The following ROBO1 variants were observed in gnomAD, a reference collection of about 807,000 sequenced individuals.
The protein encoded by ROBO1 is roundabout guidance receptor 1, also known as roundabout homolog 1.
A neutral mutation model predicts 195.9 loss-of-function variants in ROBO1; 149 were observed. The observed-to-expected ratio is 0.76, with a 90% CI of 0.67 to 0.87. The LOEUF is 0.87. ROBO1 is among the 40% of genes least tolerant of loss of function. ROBO1 has a pLI of 0.00. For synonymous variants in ROBO1, 816 were observed against 733.2 expected, an observed-to-expected ratio of 1.11 and a Z score of -1.82; for missense variants, 1,933 against 2,068.3, an observed-to-expected ratio of 0.93 and a Z score of 1.27.
intron 2 of ROBO1, among the ~76,000 whole-genome samples, chr3:79,318,282 C>T (rs534746762): frequency 6.6e-6 from 1 of 152,312 alleles, no homozygotes; most frequent in East Asian, 1.9e-4. Flanking sequence ...GCAAAGTTGA[C>T]ACATAAAGTT....
intron 8 of ROBO1, among the ~76,000 whole-genome samples, chr3:78,698,047 C>G (rs2107915243): frequency 6.6e-6 from 1 of 152,138 alleles, no homozygotes; most frequent in East Asian, 1.9e-4. Context: ...GCGATTTTTT[C>G]CCCATTCTCA....
At chr3:79,468,968 GAT>G (rs749660778) in intron 2 of ROBO1, among the ~76,000 whole-genome samples, 16 of 152,114 alleles carry the variant, frequency 1.1e-4, no homozygotes, top group Non-Finnish European at 2.4e-4. Context: ...GACTAAATGA[GAT>G]TATGCATGCA....
At chr3:79,588,109 T>C (rs1234763622) in intron 2 of ROBO1, among the ~76,000 whole-genome samples, 2 of 151,738 alleles carry the variant, frequency 1.3e-5, no homozygotes, top group African/African-American at 4.8e-5. Flanking sequence ...ATAACCAAAC[T>C]ATCACCTTTG....
chr3:79,649,505 C>G (rs891770071), intron 1 of ROBO1, among the ~76,000 whole-genome samples: 3 of 151,832 alleles, frequency 2.0e-5, no homozygotes, highest in African/African-American at 7.3e-5. Flanking sequence ...ATTTCAGATG[C>G]AAACATTTAA....
chr3:78,971,333 C>G (rs553634979), intron 3 of ROBO1, among the ~76,000 whole-genome samples: 6 of 152,202 alleles, frequency 3.9e-5, no homozygotes, highest in Admixed American at 1.3e-4. Context: ...AGGTTGCAGA[C>G]AGCCAAGACT....
At chr3:78,859,855 T>C (rs576925711) in intron 4 of ROBO1, among the ~76,000 whole-genome samples, 16 of 151,916 alleles carry the variant, frequency 1.1e-4, no homozygotes, top group South Asian at 4.2e-4. Context: ...CCAAGGCGGG[T>C]GGATCACGAG....
intron 4 of ROBO1, among the ~76,000 whole-genome samples, chr3:78,923,608 A>G (rs1421743878): frequency 6.6e-6 from 1 of 152,134 alleles, no homozygotes; most frequent in African/African-American, 2.4e-5. Context: ...ATGTGACTGG[A>G]AAGAAGAGGA....
At chr3:79,377,102 CAT>C (rs1261420474) in intron 2 of ROBO1, among the ~76,000 whole-genome samples, 3 of 151,976 alleles carry the variant, frequency 2.0e-5, no homozygotes, top group African/African-American at 4.8e-5. Flanking sequence ...CACTGAGAAA[CAT>C]AACACCTACT....
Position 78,598,890 on chromosome 3 carries a change from T to A in ROBO1, c.*23A>T, listed in dbSNP as rs1702997573. On this transcript the variant is annotated 3_prime_UTR_variant, in exon 31 of 31. Transcript: ENST00000464233. ...CTTGAGTGATGATTTTCACATTAGA[T>A]CTCATAAGCCTCTTGGTTGTCTTCA... The A allele has an allele frequency of 1.3e-6, 2 of 1,531,938 alleles. 1 individual carries two copies. Among genetic ancestry groups the A allele is most frequent in the South Asian group, 2.5e-5 (2 of 80,700 alleles). The allele number at this position is 1,531,938 out of a possible 1,614,324, so 94.9% of individuals were successfully genotyped here.
chr3:79,068,521 C>T (rs1461333121), intron 3 of ROBO1, among the ~76,000 whole-genome samples: 1 of 151,870 alleles, frequency 6.6e-6, no homozygotes, highest in Admixed American at 6.6e-5. Flanking sequence ...TCTCTTCCTA[C>T]ATAGAATTTC....
At chr3:78,677,281 C>T (rs1180887769) in intron 10 of ROBO1, among the ~76,000 whole-genome samples, 1 of 152,174 alleles carries the variant, frequency 6.6e-6, no homozygotes, top group African/African-American at 2.4e-5. Flanking sequence ...AGCAAAATAA[C>T]CATCTAACAT....
At chr3:79,498,834 C>T (rs765090623) in intron 2 of ROBO1, among the ~76,000 whole-genome samples, 56 of 150,656 alleles carry the variant, frequency 3.7e-4, no homozygotes, top group Non-Finnish European at 7.2e-4. Flanking sequence ...GCAACAAGAG[C>T]GAAATTTCAC....
chr3:79,098,579 A>C (rs1489180778), intron 3 of ROBO1, among the ~76,000 whole-genome samples: 3 of 151,860 alleles, frequency 2.0e-5, no homozygotes, highest in Non-Finnish European at 4.4e-5. Context: ...GACAAAGGTT[A>C]CACCCAATGG....
intron 4 of ROBO1, among the ~76,000 whole-genome samples, chr3:78,797,114 G>A (rs755865717): frequency 1.3e-5 from 2 of 152,064 alleles, no homozygotes; most frequent in Non-Finnish European, 2.9e-5. Context: ...TCAGACAGGT[G>A]CCCCTTCTGT....
At chr3:78,863,316 T>C (rs1201013824) in intron 4 of ROBO1, among the ~76,000 whole-genome samples, 1 of 152,210 alleles carries the variant, frequency 6.6e-6, no homozygotes, top group Non-Finnish European at 1.5e-5. Context: ...TATGAGCCTA[T>C]GACATCCACT....
intron 1 of ROBO1, among the ~76,000 whole-genome samples, chr3:79,765,343 A>G (rs766715875): frequency 5.9e-5 from 9 of 152,202 alleles, no homozygotes; most frequent in Non-Finnish European, 1.2e-4. Flanking sequence ...TCATCTTACC[A>G]ACTGGATATC....
chr3:78,673,933 A>G (rs1412143747), intron 10 of ROBO1, among the ~76,000 whole-genome samples: 1 of 152,054 alleles, frequency 6.6e-6, no homozygotes, highest in East Asian at 1.9e-4. Flanking sequence ...AAATTTGGCT[A>G]TAAAATATTA....
chr3:79,542,417 T>C (rs965935563), intron 2 of ROBO1, among the ~76,000 whole-genome samples: 2 of 152,052 alleles, frequency 1.3e-5, no homozygotes, highest in African/African-American at 4.8e-5. Context: ...ACTTTCTAAA[T>C]AAAGTTATTT....
At chr3:79,511,267 C>A (rs116445458) in intron 2 of ROBO1, among the ~76,000 whole-genome samples, 1 of 152,062 alleles carries the variant, frequency 6.6e-6, no homozygotes, top group Middle Eastern at 3.2e-3. Flanking sequence ...ATTAAATGAT[C>A]GCAAATTTTT....
Sources: allele counts gnomAD v4.1 joint callset (sites outside exome capture counted in the v4.1 genomes callset), GRCh38; gene constraint gnomAD v4.1.1; transcripts MANE v1.5; gene names NCBI Gene and HGNC (gene_info 2026-07-23, HGNC 2026-07-21).